RAP1GAP2: variants seen among roughly 807,000 people sequenced by gnomAD.
The protein encoded by RAP1GAP2 is rap1 GTPase-activating protein 2.
RAP1GAP2 carries 27 observed loss-of-function variants against 95.0 expected under a neutral mutation model. The ratio of observed to expected loss-of-function variants is 0.28; its 90% confidence interval spans 0.21 to 0.39. The LOEUF is 0.39. RAP1GAP2 is among the 10% of genes least tolerant of loss of function. The pLI is 1.00. For missense variants in RAP1GAP2, 771 were observed against 970.0 expected, an observed-to-expected ratio of 0.79 and a Z score of 2.72; for synonymous variants, 373 against 380.9, an observed-to-expected ratio of 0.98 and a Z score of 0.24.
At chr17:2,995,200 C>T (rs1019276688) in intron 12 of RAP1GAP2, 137 bp from the exon 13 acceptor site, 4 of 1,074,720 alleles carry the variant, frequency 3.7e-6, no homozygotes, top group African/African-American at 3.1e-5. Context: ...TCCCACATCA[C>T]AGCCTGCTCT....
chr17:2,759,488 T>C (rs898195753), intron 1 of RAP1GAP2, among the ~76,000 whole-genome samples: 21 of 152,094 alleles, frequency 1.4e-4, no homozygotes, highest in African/African-American at 5.1e-4. Flanking sequence ...CTCACTCTTG[T>C]CGCCCAGGCT....
intron 8 of RAP1GAP2, among the ~76,000 whole-genome samples, chr17:2,977,954 G>C (rs2045198989): frequency 6.6e-6 from 1 of 152,012 alleles, no homozygotes; most frequent in Non-Finnish European, 1.5e-5. Context: ...GACCCCCAGT[G>C]GATGCCCAAA....
chr17:2,955,068 A>AT (rs2044062063), intron 3 of RAP1GAP2, among the ~76,000 whole-genome samples: 2 of 152,344 alleles, frequency 1.3e-5, no homozygotes, highest in South Asian at 4.1e-4. Context: ...GGCAAGAGTG[A>AT]ATACTGCAGT....
chr17:3,032,643 AG>A (rs954256482), intron 24 of RAP1GAP2, among the ~76,000 whole-genome samples, 194 bp downstream of exon 24: 1 of 152,182 alleles, frequency 6.6e-6, no homozygotes, highest in African/African-American at 2.4e-5. Flanking sequence ...GCGGATGGGA[AG>A]GGGGTTCCCA....
chr17:2,930,688 C>A (rs952292769), intron 3 of RAP1GAP2, among the ~76,000 whole-genome samples: 1 of 152,232 alleles, frequency 6.6e-6, no homozygotes, highest in African/African-American at 2.4e-5. Context: ...AGGTCTCTAA[C>A]GTGTCCTCCT....
chr17:3,022,561 C>A (rs2046994824), intron 19 of RAP1GAP2, among the ~76,000 whole-genome samples: 2 of 152,074 alleles, frequency 1.3e-5, no homozygotes, highest in Non-Finnish European at 2.9e-5. Context: ...ATGTTTCTTG[C>A]CCTTAAAAAA....
rs538152797 is a variant in RAP1GAP2, at chr17:2,784,593, A to G, written c.-14+7315A>G. On this transcript the variant is annotated intron_variant, in intron 1 of 24. Transcript: ENST00000540393. ...GCCAGCAGTTTATTCTTTTAGCAGC[A>G]GCTACACTTTTGCTCACTGATCCCC... 3.3e-5 allele frequency among the ~76,000 whole-genome samples: 5 copies of G among 152,258 alleles called. No homozygotes were observed. In the East Asian group the frequency reaches 9.7e-4, roughly 29 times the overall value.
intron 3 of RAP1GAP2, among the ~76,000 whole-genome samples, chr17:2,956,711 T>C (rs2044119734): frequency 1.3e-5 from 2 of 152,242 alleles, no homozygotes; most frequent in South Asian, 2.1e-4. Flanking sequence ...TTTGTTGGGG[T>C]AGAGTTGCCA....
chr17:2,977,360 C>A (rs1347395645), intron 8 of RAP1GAP2, among the ~76,000 whole-genome samples: 2 of 152,070 alleles, frequency 1.3e-5, no homozygotes, highest in African/African-American at 4.8e-5. Flanking sequence ...GCAAAAGTAT[C>A]CTCCTATAAA....
intron 21 of RAP1GAP2, 149 bp downstream of exon 21, chr17:3,026,613 C>A: frequency 1.3e-6 from 1 of 767,460 alleles, no homozygotes; most frequent in Non-Finnish European, 2.1e-6. Flanking sequence ...GCTCGTTGGC[C>A]ATCACCACCC....
chr17:2,826,128 C>T (rs1367553271), intron 2 of RAP1GAP2, among the ~76,000 whole-genome samples: 2 of 150,204 alleles, frequency 1.3e-5, no homozygotes, highest in African/African-American at 4.9e-5. Flanking sequence ...TTACAGGCAC[C>T]CACCACCACG....
chr17:2,875,845 T>C (rs979038929), intron 2 of RAP1GAP2, among the ~76,000 whole-genome samples: 2 of 152,008 alleles, frequency 1.3e-5, no homozygotes, highest in Non-Finnish European at 2.9e-5. Flanking sequence ...AAGCTGAACG[T>C]GTCCCAACTC....
intron 14 of RAP1GAP2, among the ~76,000 whole-genome samples, chr17:3,001,643 A>T (rs1223946116): frequency 6.6e-6 from 1 of 152,154 alleles, no homozygotes; most frequent in Non-Finnish European, 1.5e-5. Flanking sequence ...AGAAGCAGGG[A>T]GTACAGGTCA....
At chr17:2,877,487 C>T (rs1197428605) in intron 2 of RAP1GAP2, among the ~76,000 whole-genome samples, 1 of 152,154 alleles carries the variant, frequency 6.6e-6, no homozygotes, top group Non-Finnish European at 1.5e-5. Flanking sequence ...GTGGCTCACA[C>T]CTGTAATCCC....
chr17:2,810,507 C>T (rs1295740999), intron 2 of RAP1GAP2, among the ~76,000 whole-genome samples: 1 of 149,990 alleles, frequency 6.7e-6, no homozygotes, highest in African/African-American at 2.5e-5. Context: ...GCTATCCCTC[C>T]CCTGTCCCCC....
At chr17:2,861,982 C>T (rs1028517156) in intron 2 of RAP1GAP2, among the ~76,000 whole-genome samples, 1 of 152,154 alleles carries the variant, frequency 6.6e-6, no homozygotes, top group Non-Finnish European at 1.5e-5. Flanking sequence ...ATACTCAGCG[C>T]CCTTTCTTTT....
intron 3 of RAP1GAP2, among the ~76,000 whole-genome samples, chr17:2,931,280 T>TTGTGTGTG (rs34690298): frequency 0.1 from 15,195 of 146,512 alleles, 849 homozygotes; most frequent in Middle Eastern, 0.14. Flanking sequence ...TGAGTGTTTC[T>TTGTGTGTG]TGTGTGTGTG....
rs1597860728 is a variant in RAP1GAP2, at chr17:3,008,213, G to A, written c.1494+68G>A. 6.3e-7 allele frequency: 1 copy of A among 1,597,670 alleles called. No homozygotes were observed. Among genetic ancestry groups the A allele is most frequent in the Non-Finnish European group, 8.5e-7 (1 of 1,169,994 alleles). On this transcript the variant is annotated intron_variant, in intron 17 of 24. Coordinates refer to ENST00000254695, the MANE Select transcript of RAP1GAP2 (RefSeq NM_015085.5). The surrounding 1 kb of genome is among the most constrained non-coding windows in gnomAD (Gnocchi z 4.2). The stretch of plus-strand genomic sequence containing the variant: ...TTGGGGAAGAAAGGAAGTGGTCCAA[G>A]GTCCATGGGATACTGATCCCAGAGC...
chr17:2,966,559 A>T (rs2044606889), intron 8 of RAP1GAP2, among the ~76,000 whole-genome samples: 1 of 152,142 alleles, frequency 6.6e-6, no homozygotes, highest in Admixed American at 6.6e-5. Context: ...GGGAATAAGG[A>T]CATATAACCC....
Sources: allele counts gnomAD v4.1 joint callset (sites outside exome capture counted in the v4.1 genomes callset), GRCh38; gene constraint gnomAD v4.1.1; non-coding constraint Gnocchi (gnomAD v3.1); transcripts MANE v1.5; gene names NCBI Gene and HGNC (gene_info 2026-07-23, HGNC 2026-07-21).